PSMD13: variants seen among roughly 807,000 people sequenced by gnomAD.
PSMD13 encodes 26S proteasome non-ATPase regulatory subunit 13.
In PSMD13, 8 loss-of-function variants were observed where a neutral mutation model predicts 57.4. That is an observed-to-expected ratio of 0.14 (90% CI 0.08 to 0.25). The LOEUF is 0.25. Among genes scored for constraint, PSMD13 ranks in the 10% least tolerant of loss-of-function variants. PSMD13 has a pLI of 1.00. For synonymous variants in PSMD13, 193 were observed against 168.2 expected, an observed-to-expected ratio of 1.15 and a Z score of -1.14; for missense variants, 400 against 461.5, an observed-to-expected ratio of 0.87 and a Z score of 1.22.
At chr11:242,800 C>G (rs190467756) in intron 2 of PSMD13, among the ~76,000 whole-genome samples, 3 of 151,930 alleles carry the variant, frequency 2.0e-5, no homozygotes, top group Non-Finnish European at 4.4e-5. Context: ...TTTTCTTTTT[C>G]TCTTTTTTTT....
In PSMD13 at chr11:237,010, A is replaced by C. The variant is rs765740237; in HGVS notation, c.-40A>C. 20 of 1,534,002 alleles carry C rather than the reference A, an allele frequency of 1.3e-5. No homozygotes were observed. Among genetic ancestry groups the C allele is most frequent in the Non-Finnish European group, 1.8e-5 (20 of 1,108,868 alleles). The stretch of plus-strand genomic sequence containing the variant: ...CGGCAGCCATCCCCGCGGTGCTGAC[A>C]TCCCGGTTGTTCTTCTGTGCCGGGG... On this transcript the variant is annotated 5_prime_UTR_variant, in exon 1 of 13. Coordinates refer to ENST00000532097, the MANE Select transcript of PSMD13 (RefSeq NM_002817.4).
chr11:242,130 C>CT (rs34761485), intron 2 of PSMD13, among the ~76,000 whole-genome samples: 1 of 137,658 alleles, frequency 7.3e-6, no homozygotes, highest in Non-Finnish European at 1.6e-5. Context: ...ACTTCTGCCC[C>CT]TTTTTTTTTC....
Position 251,390 on chromosome 11 carries a change from C to T in PSMD13, c.838-156C>T, listed in dbSNP as rs1044561055. On this transcript the variant is annotated intron_variant, in intron 10 of 12. Transcript: ENST00000532097. The surrounding 1 kb of genome is among the most constrained non-coding windows in gnomAD (Gnocchi z 4.6). ...CTTATCTAAGCATTAAAAGCTTGTT[C>T]TTAACAAGATATATGTCTAATATTA... 4.6e-6 allele frequency: 3 copies of T among 655,306 alleles called. No homozygotes were observed. The Admixed American group carries it at 9.1e-5, about 20-fold the overall frequency. 40.6% of individuals were successfully genotyped at this position (655,306 alleles called of 1,614,324 possible). A position where few individuals can be genotyped will look rare whatever the true frequency, so the allele number is the denominator to read the frequency against.
Position 245,841 on chromosome 11 carries a change from C to G in PSMD13, c.396+1080C>G, listed in dbSNP as rs1859637019. Among the ~76,000 whole-genome samples, 5 of 152,220 alleles carry G rather than the reference C, an allele frequency of 3.3e-5. No individual in the cohort carries two copies. The South Asian group carries it at 1.0e-3, about 32-fold the overall frequency. On this transcript the variant is annotated intron_variant, in intron 6 of 12. Transcript: ENST00000532097. Reference sequence around the variant, plus strand: ...TACTTTTTATTGTTTATTGTCAGTCCTAACCCATATGCATACTTAGTGCAT... The same window carrying G: ...TACTTTTTATTGTTTATTGTCAGTCGTAACCCATATGCATACTTAGTGCAT...
At chr11:250,395 C>T (rs1859745922) in intron 9 of PSMD13, among the ~76,000 whole-genome samples, 1 of 152,212 alleles carries the variant, frequency 6.6e-6, no homozygotes, top group Non-Finnish European at 1.5e-5. Flanking sequence ...CTCAGAGGGG[C>T]TCCACTTGCA....
chr11:247,632 G>A lies in PSMD13; in HGVS notation c.568+184G>A, dbSNP rs1406825231. On this transcript the variant is annotated intron_variant, in intron 7 of 12. Coordinates refer to ENST00000532097, the MANE Select transcript of PSMD13 (RefSeq NM_002817.4). ...GGATCACCTGAGGTCAGGAGTTCGA[G>A]ACCAGCCTGGCCAACATGGTGAAAC... is the stretch of plus-strand genomic sequence containing the variant. The A allele has an allele frequency of 1.1e-5, 6 of 537,026 alleles. No individual in the cohort carries two copies. The African/African-American group carries it at 1.2e-4, about 11-fold the overall frequency. The allele number at this position is 537,026 out of a possible 1,614,324, so 33.3% of individuals were successfully genotyped here.
At chr11:250,921 G>T (rs1050768592) in intron 10 of PSMD13, 56 bp downstream of exon 10, 35 of 1,491,616 alleles carry the variant, frequency 2.3e-5, no homozygotes, top group Non-Finnish European at 3.0e-5. Flanking sequence ...GGTCAGGTGG[G>T]GGCGCTGCAC....
chr11:251,618 G>T lies in PSMD13; in HGVS notation c.910G>T (p.Val304Leu). The change falls in exon 11 of 13, where the codon GTG (valine) becomes TTG (leucine). Residue 304 changes from valine to leucine, a missense_variant. Transcript: ENST00000532097. The surrounding 1 kb of genome is among the most constrained non-coding windows in gnomAD (Gnocchi z 4.6). ...EEIAKSAKIT[V>L]NEVELLVMKA... Reference sequence around the variant, plus strand: ...AATTGCCAAAAGTGCTAAAATCACAGTGAATGAGGTACGGTCCCTAGGCTC... The same window carrying T: ...AATTGCCAAAAGTGCTAAAATCACATTGAATGAGGTACGGTCCCTAGGCTC... 1 of 1,612,954 alleles carries T rather than the reference G, an allele frequency of 6.2e-7. No homozygotes were observed. The highest frequency in any genetic ancestry group is 1.1e-5 in the South Asian group (1 of 91,066).
At chr11:241,033 T>C (rs1031465049) in intron 2 of PSMD13, among the ~76,000 whole-genome samples, 1 of 152,248 alleles carries the variant, frequency 6.6e-6, no homozygotes, top group Admixed American at 6.5e-5. Flanking sequence ...GGTTTCATCA[T>C]GTTGACCAGG....
chr11:252,352 G>T lies in PSMD13; in HGVS notation c.1036-153G>T. ...GAAAAGAATTAACCCGGCAAGTCCCGTCCCACTCCCCCAGCTCAGAGGTCC... is the reference window on the plus strand; with the variant it reads ...GAAAAGAATTAACCCGGCAAGTCCCTTCCCACTCCCCCAGCTCAGAGGTCC... On this transcript the variant is annotated intron_variant, in intron 12 of 12. Coordinates refer to ENST00000532097, the MANE Select transcript of PSMD13 (RefSeq NM_002817.4). The surrounding 1 kb of genome is among the most constrained non-coding windows in gnomAD (Gnocchi z 4.1). The T allele has an allele frequency of 1.5e-6, 1 of 681,180 alleles. No homozygotes were observed. The allele number at this position is 681,180 out of a possible 1,614,324, so 42.2% of individuals were successfully genotyped here.
intron 6 of PSMD13, among the ~76,000 whole-genome samples, chr11:245,641 C>CTT (rs1425839838): frequency 8.2e-6 from 1 of 122,348 alleles, no homozygotes; most frequent in Non-Finnish European, 1.7e-5. Context: ...TGAACCAGAA[C>CTT]GTGTGTGTGT....
At chr11:242,227 A>C (rs1425856950) in intron 2 of PSMD13, among the ~76,000 whole-genome samples, 1 of 148,814 alleles carries the variant, frequency 6.7e-6, no homozygotes, top group Admixed American at 6.8e-5. Context: ...CCTTGAAGAC[A>C]CATCATTTGT....
intron 1 of PSMD13, among the ~76,000 whole-genome samples, chr11:238,487 A>T (rs1425077734): frequency 6.6e-6 from 1 of 152,218 alleles, no homozygotes; most frequent in African/African-American, 2.4e-5. Flanking sequence ...ACTGGTTAGT[A>T]TGGATTTAGT....
intron 7 of PSMD13, chr11:248,342 T>C (rs932752349): frequency 8.6e-5 from 16 of 184,986 alleles, no homozygotes; most frequent in African/African-American, 3.3e-4. Flanking sequence ...TTTTTATTAC[T>C]GTATGTCAAG....
intron 9 of PSMD13, among the ~76,000 whole-genome samples, chr11:250,244 C>T (rs1243184058): frequency 6.6e-6 from 1 of 152,150 alleles, no homozygotes; most frequent in East Asian, 1.9e-4. Flanking sequence ...TCACAGGTAA[C>T]GTTTTGATCC....
intron 2 of PSMD13, 60 bp from the exon 3 acceptor site, chr11:243,981 G>A: frequency 6.6e-7 from 1 of 1,513,314 alleles, no homozygotes; most frequent in Non-Finnish European, 9.1e-7. Context: ...AGTGTTTGGG[G>A]TCTTCGTTTT....
Position 249,074 on chromosome 11 carries a change from G to A in PSMD13, c.774+17G>A. The A allele has an allele frequency of 6.2e-7, 1 of 1,609,258 alleles. No individual in the cohort carries two copies. Among genetic ancestry groups the A allele is most frequent in the Non-Finnish European group, 8.5e-7 (1 of 1,179,970 alleles). On this transcript the variant is annotated intron_variant, in intron 9 of 12. Transcript: ENST00000532097. ...GGCCAGCAGGTAGGACTCCCACGAT[G>A]CCCAGCCCTTATTCCCCCATGTATC...
chr11:249,330 A>G (rs2133991776), intron 9 of PSMD13, among the ~76,000 whole-genome samples: 1 of 152,146 alleles, frequency 6.6e-6, no homozygotes, highest in Non-Finnish European at 1.5e-5. Context: ...GTGTCACAGA[A>G]GATGTAGAAG....
At chr11:243,071 G>A in intron 2 of PSMD13, 1 of 443,806 alleles carries the variant, frequency 2.3e-6, no homozygotes, top group Non-Finnish European at 4.5e-6. Context: ...TGGGATTACA[G>A]GCGTGAGCCA....
Sources: allele counts gnomAD v4.1 joint callset (sites outside exome capture counted in the v4.1 genomes callset), GRCh38; gene constraint gnomAD v4.1.1; non-coding constraint Gnocchi (gnomAD v3.1); transcripts MANE v1.5; gene names NCBI Gene and HGNC (gene_info 2026-07-23, HGNC 2026-07-21).